SDK1: variants seen among roughly 807,000 people sequenced by gnomAD.
The protein encoded by SDK1 is sidekick cell adhesion molecule 1, also known as protein sidekick-1.
SDK1 carries 157 observed loss-of-function variants against 245.5 expected under a neutral mutation model. The observed-to-expected ratio is 0.64, with a 90% CI of 0.56 to 0.73. SDK1 has a LOEUF of 0.73. Ranked by LOEUF, SDK1 falls within the 30% of genes least tolerant of loss-of-function variation. The pLI is 0.00. For missense variants in SDK1, 3,583 were observed against 3,002.3 expected (o/e 1.19, Z -4.52); for synonymous variants, 1,647 against 1,278.5 (o/e 1.29, Z -6.15).
intron 5 of SDK1, among the ~76,000 whole-genome samples, chr7:3,885,467 C>T (rs1781315503): frequency 6.6e-6 from 1 of 152,162 alleles, no homozygotes; most frequent in Non-Finnish European, 1.5e-5. Context: ...GTTATTATCC[C>T]TGTGCTTTCG....
intron 24 of SDK1, among the ~76,000 whole-genome samples, chr7:4,113,658 G>A (rs1417609072): frequency 1.3e-5 from 2 of 152,162 alleles, no homozygotes; most frequent in Non-Finnish European, 2.9e-5. Flanking sequence ...TCTCTTCTTG[G>A]AACTGAGGAA....
At chr7:3,523,922 G>C (rs1783029468) in intron 1 of SDK1, among the ~76,000 whole-genome samples, 1 of 152,148 alleles carries the variant, frequency 6.6e-6, no homozygotes, top group South Asian at 2.1e-4. Context: ...AGCCCCTGCT[G>C]TCAGCTTGAG....
chr7:3,928,987 C>G (rs757963671), intron 5 of SDK1, among the ~76,000 whole-genome samples: 3 of 152,216 alleles, frequency 2.0e-5, no homozygotes, highest in Non-Finnish European at 4.4e-5. Context: ...TCACTAGACC[C>G]AACTCTCTGC....
chr7:4,045,176 A>T (rs950608746), intron 17 of SDK1, among the ~76,000 whole-genome samples: 3 of 152,204 alleles, frequency 2.0e-5, no homozygotes, highest in Non-Finnish European at 4.4e-5. Flanking sequence ...CCATTGGTTT[A>T]AAAACATTTA....
intron 4 of SDK1, among the ~76,000 whole-genome samples, chr7:3,819,660 T>C (rs568206263): frequency 3.9e-5 from 6 of 152,220 alleles, no homozygotes; most frequent in South Asian, 4.1e-4. Flanking sequence ...TAAAACTCTA[T>C]TGAAATATTT....
rs73294626 is a variant in SDK1, at chr7:3,890,323, T to A, written c.848-60600T>A. Among the ~76,000 whole-genome samples the A allele has an allele frequency of 8.2e-3, 1,246 of 152,342 alleles. 15 individuals are homozygous for A. Among genetic ancestry groups the A allele is most frequent in the African/African-American group, 0.029 (1,188 of 41,576 alleles). On this transcript the variant is annotated intron_variant, in intron 5 of 44. Coordinates refer to ENST00000404826, the MANE Select transcript of SDK1 (RefSeq NM_152744.4). ...AAATTGATACGTGCTATGTGTGAAA[T>A]ACACAGCAGATTGCGAAGACTTTGT...
chr7:3,774,759 A>G (rs937842900), intron 4 of SDK1, among the ~76,000 whole-genome samples: 4 of 152,158 alleles, frequency 2.6e-5, no homozygotes, highest in African/African-American at 9.7e-5. Context: ...GTATTTTTCT[A>G]GGTTTTATGA....
At chr7:3,635,366 C>T (rs1782425478) in intron 2 of SDK1, among the ~76,000 whole-genome samples, 1 of 152,118 alleles carries the variant, frequency 6.6e-6, no homozygotes, top group Non-Finnish European at 1.5e-5. Flanking sequence ...TTTGTTTAAT[C>T]TTGAATTACC....
intron 35 of SDK1, among the ~76,000 whole-genome samples, chr7:4,192,254 CT>C (rs984657561): frequency 1.3e-5 from 2 of 152,170 alleles, no homozygotes; most frequent in Non-Finnish European, 2.9e-5. Context: ...GTGACAGCAT[CT>C]TTTTTGCAGC....
At chr7:3,691,165 C>T (rs1160787381) in intron 4 of SDK1, among the ~76,000 whole-genome samples, 1 of 138,066 alleles carries the variant, frequency 7.2e-6, no homozygotes, top group Admixed American at 7.6e-5. Flanking sequence ...CACCTTTCAA[C>T]ATGAATTCAA....
intron 4 of SDK1, among the ~76,000 whole-genome samples, chr7:3,776,375 T>C (rs1780562425): frequency 1.3e-5 from 2 of 152,252 alleles, no homozygotes; most frequent in Admixed American, 6.5e-5. Context: ...AAATCTATTC[T>C]GTCAGATTTG....
intron 1 of SDK1, among the ~76,000 whole-genome samples, chr7:3,449,861 G>A (rs1461948421): frequency 6.6e-6 from 1 of 152,142 alleles, no homozygotes; most frequent in Non-Finnish European, 1.5e-5. Context: ...TATAGCTTAG[G>A]AGCTAGTGGA....
intron 1 of SDK1, among the ~76,000 whole-genome samples, chr7:3,355,550 T>C (rs534099294): frequency 6.6e-6 from 1 of 152,340 alleles, no homozygotes; most frequent in East Asian, 1.9e-4. Flanking sequence ...CTCCGTTCTT[T>C]GCATCACCTT....
intron 5 of SDK1, among the ~76,000 whole-genome samples, chr7:3,837,680 T>G (rs1780056784): frequency 6.6e-6 from 1 of 152,078 alleles, no homozygotes; most frequent in African/African-American, 2.4e-5. Context: ...CCAATAGGAG[T>G]TGCTGTGATG....
At chr7:3,360,212 T>C (rs1268062887) in intron 1 of SDK1, among the ~76,000 whole-genome samples, 1 of 152,218 alleles carries the variant, frequency 6.6e-6, no homozygotes, top group Non-Finnish European at 1.5e-5. Flanking sequence ...GGAGTCACAC[T>C]AGTCACTATA....
intron 19 of SDK1, among the ~76,000 whole-genome samples, chr7:4,065,011 A>T (rs1192576356): frequency 2.0e-5 from 3 of 152,182 alleles, no homozygotes; most frequent in Non-Finnish European, 4.4e-5. Flanking sequence ...CAGTAGAGTG[A>T]CTACAGCTAA....
At chr7:4,172,745 C>G (rs941896513) in intron 32 of SDK1, among the ~76,000 whole-genome samples, 1 of 152,276 alleles carries the variant, frequency 6.6e-6, no homozygotes, top group South Asian at 2.1e-4. Context: ...CCTGCCTCTT[C>G]CAGCTTCCGG....
intron 4 of SDK1, among the ~76,000 whole-genome samples, chr7:3,818,996 A>G (rs1779580365): frequency 6.6e-6 from 1 of 152,220 alleles, no homozygotes; most frequent in African/African-American, 2.4e-5. Context: ...GGCACACGAT[A>G]CTTGCTTTAG....
intron 30 of SDK1, among the ~76,000 whole-genome samples, chr7:4,151,135 T>G (rs1275745245): frequency 6.6e-6 from 1 of 152,160 alleles, no homozygotes; most frequent in Non-Finnish European, 1.5e-5. Context: ...ATGCAAATCC[T>G]GACCAGAGTC....
Sources: allele counts gnomAD v4.1 joint callset (sites outside exome capture counted in the v4.1 genomes callset), GRCh38; gene constraint gnomAD v4.1.1; transcripts MANE v1.5; gene names NCBI Gene and HGNC (gene_info 2026-07-23, HGNC 2026-07-21).